The following TMEM182 variants were observed in gnomAD, a reference collection of about 807,000 sequenced individuals.
TMEM182 encodes the protein transmembrane protein 182.
Under a neutral mutation model 26.8 loss-of-function variants are expected in TMEM182, and 20 were observed. That is an observed-to-expected ratio of 0.75 (90% CI 0.53 to 1.09). TMEM182 has a LOEUF of 1.09. Ranked by LOEUF, TMEM182 falls within the 50% of genes least tolerant of loss-of-function variation. The pLI, the probability that TMEM182 is intolerant of heterozygous loss-of-function variation, is 0.00. For synonymous variants in TMEM182, 109 were observed against 102.2 expected (o/e 1.07, Z -0.40); for missense variants, 277 against 275.5 (o/e 1.01, Z -0.04).
intron 4 of TMEM182, among the ~76,000 whole-genome samples, chr2:102,803,127 A>G (rs1217272705): frequency 6.6e-6 from 1 of 152,188 alleles, no homozygotes; most frequent in East Asian, 1.9e-4. Context: ...AGTGTAGCTT[A>G]GTCCCTTGAA....
At chr2:102,786,758 A>T (rs1681411481) in intron 3 of TMEM182, among the ~76,000 whole-genome samples, 1 of 152,092 alleles carries the variant, frequency 6.6e-6, no homozygotes, top group South Asian at 2.1e-4. Context: ...TAAATTGTTG[A>T]TTCTCTACTT....
chr2:102,753,543 T>A lies in TMEM182; in HGVS notation c.-82-4846T>A, dbSNP rs5833036. On this transcript the variant is annotated intron_variant, in intron 1 of 5. Coordinates refer to the TMEM182 transcript ENST00000409173. ...TTCTACTATATGTATTTTTATTTTT[T>A]AAAAAAAAATTGAGATGGGGTCTTG... Among the ~76,000 whole-genome samples the A allele has an allele frequency of 5.0e-3, 604 of 121,722 alleles. 7 individuals carry two copies. Among genetic ancestry groups the A allele is most frequent in the African/African-American group, 0.016 (505 of 30,654 alleles). The allele number at this position is 121,722 out of a possible 152,430, so 79.9% of individuals were successfully genotyped here.
At chr2:102,758,146 G>A (rs182821340), upstream of TMEM182, among the ~76,000 whole-genome samples, 267 of 152,168 alleles carry the variant, frequency 1.8e-3, no homozygotes, top group African/African-American at 5.8e-3. Flanking sequence ...CAATGGAGCC[G>A]TTTTATTATA....
intron 3 of TMEM182, among the ~76,000 whole-genome samples, chr2:102,824,010 A>C (rs974977374): frequency 1.3e-5 from 2 of 152,242 alleles, no homozygotes; most frequent in African/African-American, 4.8e-5. Context: ...AGTGCAGCTT[A>C]TGAAAGAGAG....
chr2:102,843,369 C>G (rs1191678483), intron 3 of TMEM182: 1 of 152,222 alleles, frequency 6.6e-6, no homozygotes, highest in African/African-American at 2.4e-5. Flanking sequence ...AATTTCTTCT[C>G]TAAAACCAGG....
At chr2:102,771,910 C>T (rs1680691975) in intron 3 of TMEM182, among the ~76,000 whole-genome samples, 1 of 152,190 alleles carries the variant, frequency 6.6e-6, no homozygotes, top group African/African-American at 2.4e-5. Flanking sequence ...TGCCTCCAGA[C>T]ATTGCCAGGT....
chr2:102,762,668 A>G lies in TMEM182; in HGVS notation c.214A>G (p.Ile72Val). The stretch of plus-strand genomic sequence containing the variant: ...GATTGTGGAAGAGAATGACTCCAAT[A>G]TTTGGAAGTTCTGGTACAGTAAGTA... The part of the protein sequence containing the change: ...NGIVEENDSN[I>V]WKFWYTNQPP... The change falls in exon 2 of 5, where the codon ATT becomes GTT. Residue 72 changes from isoleucine to valine, a missense_variant. Transcript: ENST00000412401. 1 of 1,613,722 alleles carries G rather than the reference A, an allele frequency of 6.2e-7. No homozygotes were observed. Among genetic ancestry groups the G allele is most frequent in the Non-Finnish European group, 8.5e-7 (1 of 1,179,788 alleles).
intron 3 of TMEM182, among the ~76,000 whole-genome samples, chr2:102,776,163 T>C (rs1250199261): frequency 2.0e-5 from 3 of 152,156 alleles, no homozygotes; most frequent in African/African-American, 7.2e-5. Context: ...TTTGTTACAA[T>C]TGATGAGCCA....
At chr2:102,760,123 C>T (rs1476437136), upstream of TMEM182, among the ~76,000 whole-genome samples, 1 of 152,118 alleles carries the variant, frequency 6.6e-6, no homozygotes, top group Non-Finnish European at 1.5e-5. Flanking sequence ...TTCAATCAAG[C>T]ACTTGAAAAT....
At chr2:102,833,778 A>G (rs1683193882) in intron 3 of TMEM182, among the ~76,000 whole-genome samples, 1 of 152,312 alleles carries the variant, frequency 6.6e-6, no homozygotes, top group East Asian at 1.9e-4. Context: ...CTGGTCAAGG[A>G]CTTTGTCCAG....
At chr2:102,833,604 A>G (rs1683189762) in intron 3 of TMEM182, among the ~76,000 whole-genome samples, 1 of 152,270 alleles carries the variant, frequency 6.6e-6, no homozygotes, top group East Asian at 1.9e-4. Flanking sequence ...TACACACCTC[A>G]TTAGGAATCC....
intron 3 of TMEM182, among the ~76,000 whole-genome samples, chr2:102,830,522 T>TTATTTATG (rs1271927099): frequency 6.6e-6 from 1 of 152,138 alleles, no homozygotes. Context: ...GCTCTGGATT[T>TTATTTATG]TATTTATGTA....
rs1252862216 is a variant in TMEM182, at chr2:102,815,856, AT to A, written c.*894del. 4.6e-5 allele frequency: 42 copies of A among 912,808 alleles called. No homozygotes were observed. Among genetic ancestry groups the A allele is most frequent in the Non-Finnish European group, 5.2e-5 (40 of 764,350 alleles). The allele number at this position is 912,808 out of a possible 1,614,324, so 56.5% of individuals were successfully genotyped here. ...TTTATTGATAAAATGTGATTTTAAT[AT>A]TTTTTAGATATAAACTTTCAACGTA... On this transcript the variant is annotated 3_prime_UTR_variant, in exon 5 of 5. Coordinates refer to ENST00000412401, the MANE Select transcript of TMEM182 (RefSeq NM_144632.5).
At chr2:102,843,299 C>G (rs1488416672) in intron 3 of TMEM182, 3 of 152,222 alleles carry the variant, frequency 2.0e-5, no homozygotes, top group Admixed American at 1.3e-4. Flanking sequence ...GGGATTTCAT[C>G]TGCTCATGAC....
At chr2:102,755,053 A>G (rs989480104) in intron 1 of TMEM182, among the ~76,000 whole-genome samples, 2 of 152,222 alleles carry the variant, frequency 1.3e-5, no homozygotes, top group African/African-American at 4.8e-5. Context: ...AATTTAAGAA[A>G]CAAACTTAGA....
upstream of TMEM182, among the ~76,000 whole-genome samples, chr2:102,757,211 A>C (rs1680068435): frequency 6.6e-6 from 1 of 152,128 alleles, no homozygotes; most frequent in Non-Finnish European, 1.5e-5. Flanking sequence ...ACTCTTGGAC[A>C]ATCACTCCAC....
chr2:102,769,392 T>G (rs1573510985), intron 3 of TMEM182, among the ~76,000 whole-genome samples: 1 of 152,302 alleles, frequency 6.6e-6, no homozygotes, highest in East Asian at 1.9e-4. Context: ...ATGAAGAAGT[T>G]TCCTTTTCAA....
chr2:102,781,793 T>C (rs1035504774), intron 3 of TMEM182, among the ~76,000 whole-genome samples: 2 of 152,084 alleles, frequency 1.3e-5, no homozygotes, highest in African/African-American at 4.8e-5. Context: ...TGACGTAAGG[T>C]TTTGCCTCAT....
At chr2:102,800,517 A>C (rs1230619184) in intron 4 of TMEM182, among the ~76,000 whole-genome samples, 3 of 152,106 alleles carry the variant, frequency 2.0e-5, no homozygotes, top group Non-Finnish European at 4.4e-5. Context: ...CTTCTTGGCC[A>C]AAAAAATTTT....
Sources: allele counts gnomAD v4.1 joint callset (sites outside exome capture counted in the v4.1 genomes callset), GRCh38; gene constraint gnomAD v4.1.1; transcripts MANE v1.5; gene names NCBI Gene and HGNC (gene_info 2026-07-23, HGNC 2026-07-21).